ALDH18A1: variants seen among roughly 807,000 people sequenced by gnomAD.
ALDH18A1 encodes aldehyde dehydrogenase 18 family member A1.
Under a neutral mutation model 88.8 loss-of-function variants are expected in ALDH18A1, and 44 were observed. The ratio of observed to expected loss-of-function variants is 0.50; its 90% confidence interval spans 0.39 to 0.64. The LOEUF is 0.64. Ranked by LOEUF, ALDH18A1 falls within the 30% of genes least tolerant of loss-of-function variation. The pLI is 0.00. For synonymous variants in ALDH18A1, 331 were observed against 372.1 expected, an observed-to-expected ratio of 0.89 and a Z score of 1.27; for missense variants, 782 against 1,009.5, an observed-to-expected ratio of 0.77 and a Z score of 3.05.
intron 17 of ALDH18A1, among the ~76,000 whole-genome samples, chr10:95,607,823 G>T (rs1308770627): frequency 6.6e-6 from 1 of 152,110 alleles, no homozygotes; most frequent in Non-Finnish European, 1.5e-5. Context: ...CAGTGAGAAG[G>T]AGCTGGCTGG....
intron 2 of ALDH18A1, among the ~76,000 whole-genome samples, chr10:95,646,118 T>C (rs1000355243): frequency 6.6e-6 from 1 of 152,164 alleles, no homozygotes; most frequent in South Asian, 2.1e-4. Context: ...TCATGTATTA[T>C]CCTTTTGGTA....
chr10:95,645,314 G>C (rs2097899368), intron 2 of ALDH18A1, among the ~76,000 whole-genome samples: 1 of 152,224 alleles, frequency 6.6e-6, no homozygotes, highest in African/African-American at 2.4e-5. Flanking sequence ...ATCATTCCAA[G>C]CCACCTTTTG....
chr10:95,625,772 G>GA (rs1261498259), intron 10 of ALDH18A1, among the ~76,000 whole-genome samples: 1 of 151,772 alleles, frequency 6.6e-6, no homozygotes, highest in Non-Finnish European at 1.5e-5. Flanking sequence ...AAAAGGGGGG[G>GA]AAGGGGCATG....
At chr10:95,611,094 T>C (rs1253673621) in intron 16 of ALDH18A1, among the ~76,000 whole-genome samples, 162 bp downstream of exon 16, 2 of 152,190 alleles carry the variant, frequency 1.3e-5, no homozygotes, top group East Asian at 3.8e-4. Flanking sequence ...TATAATAAAG[T>C]GATGTGAAAG....
At chr10:95,642,164 T>C (rs1011942317) in intron 3 of ALDH18A1, among the ~76,000 whole-genome samples, 3 of 152,214 alleles carry the variant, frequency 2.0e-5, no homozygotes, top group Non-Finnish European at 2.9e-5. Flanking sequence ...TGCCTGGATG[T>C]CTGGATTTTT....
chr10:95,645,636 C>T (rs1488222449), intron 2 of ALDH18A1, among the ~76,000 whole-genome samples: 2 of 152,052 alleles, frequency 1.3e-5, no homozygotes, highest in Non-Finnish European at 2.9e-5. Flanking sequence ...CTTAAATAAC[C>T]GTTTTTCAAG....
intron 5 of ALDH18A1, among the ~76,000 whole-genome samples, 163 bp from the exon 6 acceptor site, chr10:95,633,812 CTTTTTTTTTT>C (rs869056809): frequency 9.7e-6 from 1 of 103,274 alleles, no homozygotes; most frequent in Non-Finnish European, 1.9e-5. Flanking sequence ...CTATCCAATT[CTTTTTTTTTT>C]TTTTTTTTTT....
intron 5 of ALDH18A1, 95 bp from the exon 6 acceptor site, chr10:95,633,744 A>T: frequency 1.5e-6 from 2 of 1,353,076 alleles, no homozygotes; most frequent in East Asian, 5.7e-5. Context: ...GTTAAACTTT[A>T]GGTTTCTGGG....
Position 95,613,917 on chromosome 10 carries a change from A to G in ALDH18A1, c.1801+49T>C, listed in dbSNP as rs113345547. The G allele has an allele frequency of 5.0e-6, 8 of 1,614,096 alleles. No individual in the cohort carries two copies. In the African/African-American group the frequency reaches 1.1e-4, roughly 22 times the overall value. On this transcript the variant is annotated intron_variant, in intron 14 of 17. Coordinates refer to ENST00000371224, the MANE Select transcript of ALDH18A1 (RefSeq NM_002860.4). ...CCATTGACATGATCCAGAGCTGCAG[A>G]GGATGTAATATTTCTCCGTTGTGAA... is the stretch of plus-strand genomic sequence containing the variant.
intron 3 of ALDH18A1, among the ~76,000 whole-genome samples, chr10:95,641,760 T>G (rs2097892076): frequency 6.6e-6 from 1 of 152,078 alleles, no homozygotes; most frequent in South Asian, 2.1e-4. Context: ...TACCTCAGCC[T>G]CCCGAGTAGC....
intron 16 of ALDH18A1, 69 bp downstream of exon 16, chr10:95,611,187 G>T: frequency 1.9e-6 from 3 of 1,585,570 alleles, no homozygotes; most frequent in Non-Finnish European, 2.6e-6. Flanking sequence ...GCCCAAGGGG[G>T]GCTAAGAGGA....
At position 95,621,116 on chromosome 10, in the gene ALDH18A1, G is replaced by T. The variant is rs1451907828; in HGVS notation, c.1382C>A (p.Ala461Asp). Residue 461 changes from alanine (A) to aspartate (D), a missense_variant, in exon 12 of 18, where the codon GCC becomes GAC. Ala to Asp is a moderately radical substitution (Grantham distance 126). Transcript: ENST00000371224. Reference sequence around the variant, plus strand: ...CACTTGTTCCAGTTCCAAGTTTTTGGCGATTCGGGTGCGGCGCAAAACACG... The same window carrying T: ...CACTTGTTCCAGTTCCAAGTTTTTGTCGATTCGGGTGCGGCGCAAAACACG... ...VGRVLRRTRI[A>D]KNLELEQVTV... 1 of 1,613,982 alleles carries T rather than the reference G, an allele frequency of 6.2e-7. No individual in the cohort carries two copies. Among genetic ancestry groups the T allele is most frequent in the Non-Finnish European group, 8.5e-7 (1 of 1,180,008 alleles).
At chr10:95,625,837 A>C (rs1255132707) in intron 10 of ALDH18A1, among the ~76,000 whole-genome samples, 3 of 152,124 alleles carry the variant, frequency 2.0e-5, no homozygotes, top group Non-Finnish European at 4.4e-5. Flanking sequence ...GTAACTGTAC[A>C]GGGGCCAGTA....
chr10:95,623,954 G>T (rs1041014525), intron 11 of ALDH18A1, among the ~76,000 whole-genome samples: 1 of 152,096 alleles, frequency 6.6e-6, no homozygotes, highest in African/African-American at 2.4e-5. Context: ...GCCCACCTTG[G>T]CCTCTCAAAG....
intron 15 of ALDH18A1, among the ~76,000 whole-genome samples, chr10:95,613,471 A>G (rs1223240607): frequency 1.3e-5 from 2 of 152,270 alleles, no homozygotes; most frequent in East Asian, 3.9e-4. Context: ...TTCAGTCAGC[A>G]TAGTGCCATG....
intron 17 of ALDH18A1, among the ~76,000 whole-genome samples, chr10:95,607,290 G>A (rs369034220): frequency 9.2e-5 from 14 of 152,268 alleles, no homozygotes; most frequent in East Asian, 7.7e-4. Context: ...TGAGGGGTAC[G>A]ACAATGTTTA....
rs778892831 is a variant in ALDH18A1, at chr10:95,627,422, C to T, written c.1078+20G>A. 9 of 1,613,876 alleles carry T rather than the reference C, an allele frequency of 5.6e-6. No individual in the cohort carries two copies. In the Admixed American group the frequency reaches 8.3e-5, roughly 15 times the overall value. On this transcript the variant is annotated intron_variant, in intron 9 of 17. Transcript: ENST00000371224. ...CTAGTTCCCATCACAGGCCTTGGGA[C>T]CTTATGAAGAACTATTTACCTGCAG...
At position 95,627,695 on chromosome 10, in the gene ALDH18A1, T is replaced by C. The variant is rs2097862426; in HGVS notation, c.934-109A>G. 5 of 1,306,948 alleles carry C rather than the reference T, an allele frequency of 3.8e-6. No homozygotes were observed. The Admixed American group carries it at 5.3e-5, about 14-fold the overall frequency. The allele number at this position is 1,306,948 out of a possible 1,614,324, so 81.0% of individuals were successfully genotyped here. On this transcript the variant is annotated intron_variant, in intron 8 of 17. Transcript: ENST00000371224. ...AAGTTGATATTGAACAACTTAAGTATATGAGAGAATGTTTTTAAAAGCTTA... is the reference window on the plus strand; with the variant it reads ...AAGTTGATATTGAACAACTTAAGTACATGAGAGAATGTTTTTAAAAGCTTA...
chr10:95,616,374 TGTA>T (rs2097844190), intron 13 of ALDH18A1, 100 bp downstream of exon 13: 7 of 1,457,564 alleles, frequency 4.8e-6, no homozygotes, highest in Non-Finnish European at 6.5e-6. Flanking sequence ...CAAGTCTGCT[TGTA>T]GTAGTGTCTT....
Sources: allele counts gnomAD v4.1 joint callset (sites outside exome capture counted in the v4.1 genomes callset), GRCh38; gene constraint gnomAD v4.1.1; transcripts MANE v1.5; gene names NCBI Gene and HGNC (gene_info 2026-07-23, HGNC 2026-07-21).